The following GCFC2 variants were observed in gnomAD, a reference collection of about 807,000 sequenced individuals.
The protein encoded by GCFC2 is GC-rich sequence DNA-binding factor 2.
A neutral mutation model predicts 99.4 loss-of-function variants in GCFC2; 102 were observed. The ratio of observed to expected loss-of-function variants is 1.03; its 90% confidence interval spans 0.87 to 1.21. The LOEUF (loss-of-function observed/expected upper bound fraction) is 1.21. Among genes scored for constraint, GCFC2 ranks in the 50% most tolerant of loss-of-function variants. The pLI is 0.00. For missense variants in GCFC2, 973 were observed against 920.9 expected (o/e 1.06, Z -0.73); for synonymous variants, 338 against 316.8 (o/e 1.07, Z -0.71).
intron 15 of GCFC2, among the ~76,000 whole-genome samples, chr2:75,667,076 A>T (rs1678876784): frequency 6.6e-6 from 1 of 152,076 alleles, no homozygotes; most frequent in African/African-American, 2.4e-5. Flanking sequence ...AGACAGAATG[A>T]GGTGTATGTG....
At chr2:75,677,972 C>T (rs371513687) in intron 12 of GCFC2, among the ~76,000 whole-genome samples, 2 of 147,030 alleles carry the variant, frequency 1.4e-5, no homozygotes, top group East Asian at 2.0e-4. Flanking sequence ...AGCAAGACTC[C>T]GCCTCAAAAA....
chr2:75,695,493 T>C (rs554596952), intron 5 of GCFC2, among the ~76,000 whole-genome samples: 2 of 152,214 alleles, frequency 1.3e-5, no homozygotes, highest in Admixed American at 1.3e-4. Context: ...AATAGAAAAG[T>C]AGAATTTTGT....
chr2:75,693,309 G>A (rs1443758308), intron 6 of GCFC2, among the ~76,000 whole-genome samples: 2 of 152,004 alleles, frequency 1.3e-5, no homozygotes, highest in African/African-American at 4.8e-5. Flanking sequence ...GTGTGGTGGT[G>A]CACGCCTGTA....
chr2:75,674,034 AATTATAGTGGGTATGC>A (rs369222117), intron 12 of GCFC2, among the ~76,000 whole-genome samples: 74 of 152,290 alleles, frequency 4.9e-4, no homozygotes, highest in African/African-American at 1.6e-3. Context: ...TAATGTTTGC[AATTATAGTGGGTATGC>A]AGTCATATTT....
intron 14 of GCFC2, 162 bp from the exon 15 acceptor site, chr2:75,670,446 C>G: frequency 2.0e-6 from 1 of 489,816 alleles, no homozygotes; most frequent in Non-Finnish European, 3.7e-6. Context: ...ATACTTGATT[C>G]TTTCCAAACT....
intron 7 of GCFC2, 35 bp downstream of exon 7, chr2:75,691,942 A>G (rs751096568): frequency 1.7e-6 from 2 of 1,181,744 alleles, no homozygotes; most frequent in Non-Finnish European, 2.3e-6. Context: ...TAGCTTAATG[A>G]ATAATAAATT....
At chr2:75,681,729 C>T (rs1453221120) in intron 11 of GCFC2, among the ~76,000 whole-genome samples, 1 of 151,840 alleles carries the variant, frequency 6.6e-6, no homozygotes, top group Non-Finnish European at 1.5e-5. Flanking sequence ...GCAGTCTGAG[C>T]CCAACCTGAG....
rs939180234 is a variant in GCFC2 at position 75,665,864 on chromosome 2, AGTT to A, written c.2228+62_2228+64del. ...CAGTAAAAATACAAATCTTTCTAAA[AGTT>A]GTTGAGAGCATACAGAATCCATGAA... On this transcript the variant is annotated intron_variant, in intron 16 of 16. Transcript: ENST00000321027. 1.6e-5 allele frequency: 16 copies of A among 1,020,392 alleles called. No homozygotes were observed. In the African/African-American group the frequency reaches 2.1e-4, roughly 14 times the overall value. The allele number at this position is 1,020,392 out of a possible 1,614,324, so 63.2% of individuals were successfully genotyped here.
intron 11 of GCFC2, 75 bp downstream of exon 11, chr2:75,687,752 A>T: frequency 8.8e-7 from 1 of 1,136,972 alleles, no homozygotes; most frequent in Non-Finnish European, 1.3e-6. Context: ...AAACTTTGTG[A>T]ATATAACAGA....
intron 2 of GCFC2, 22 bp downstream of exon 2, chr2:75,706,501 C>A: frequency 1.3e-6 from 2 of 1,510,768 alleles, no homozygotes; most frequent in South Asian, 2.4e-5. Flanking sequence ...AATTCTTAAC[C>A]AAAATCATAC....
At chr2:75,683,431 G>A (rs1192035205) in intron 11 of GCFC2, among the ~76,000 whole-genome samples, 1 of 150,976 alleles carries the variant, frequency 6.6e-6, no homozygotes, top group Non-Finnish European at 1.5e-5. Context: ...CCTTACAAGA[G>A]CTCCTGAAGG....
At chr2:75,695,210 TG>T (rs1468632571) in intron 5 of GCFC2, among the ~76,000 whole-genome samples, 1 of 152,170 alleles carries the variant, frequency 6.6e-6, no homozygotes. Flanking sequence ...AACACATACA[TG>T]CTTATATGTT....
intron 1 of GCFC2, 73 bp from the exon 2 acceptor site, chr2:75,706,724 C>T: frequency 1.0e-6 from 1 of 983,710 alleles, no homozygotes; most frequent in South Asian, 1.5e-5. Context: ...TTCTGAACAA[C>T]ACATGGCATA....
At chr2:75,671,687 A>G (rs1431687149) in intron 14 of GCFC2, among the ~76,000 whole-genome samples, 1 of 152,198 alleles carries the variant, frequency 6.6e-6, no homozygotes, top group Admixed American at 6.5e-5. Context: ...GTCTTTAAAC[A>G]AAATATTTTG....
intron 16 of GCFC2, 55 bp from the exon 17 acceptor site, chr2:75,664,838 G>A (rs1032143787): frequency 6.4e-5 from 51 of 799,676 alleles, no homozygotes; most frequent in Non-Finnish European, 8.7e-5. Context: ...AGGGAACAGC[G>A]GTCAATTCAG....
intron 12 of GCFC2, among the ~76,000 whole-genome samples, chr2:75,674,832 T>G (rs976837413): frequency 1.2e-4 from 18 of 152,220 alleles, no homozygotes; most frequent in African/African-American, 3.9e-4. Flanking sequence ...TATAACATAT[T>G]CCTCAAGTGG....
At chr2:75,686,289 T>C (rs1679812161) in intron 11 of GCFC2, among the ~76,000 whole-genome samples, 1 of 152,178 alleles carries the variant, frequency 6.6e-6, no homozygotes, top group Non-Finnish European at 1.5e-5. Flanking sequence ...TAAATAGAGA[T>C]GGGGTTTCAC....
At chr2:75,679,782 G>C (rs112841630) in intron 12 of GCFC2, 2 of 399,822 alleles carry the variant, frequency 5.0e-6, no homozygotes, top group East Asian at 7.1e-5. Flanking sequence ...CAGGGCCAGT[G>C]TATATTCATA....
In GCFC2 at chr2:75,702,448, C is replaced by T. The variant is rs773977621; in HGVS notation, c.395-25G>A. On this transcript the variant is annotated intron_variant, in intron 2 of 16. Transcript: ENST00000321027. ...ACTGAAGGAAACAAAGACGAGGACA[C>T]TAAAAACCAAAGACCAATGTAAGTA... The T allele has an allele frequency of 3.2e-6, 5 of 1,586,236 alleles. No homozygotes were observed. In the Admixed American group the frequency reaches 8.9e-5, roughly 28 times the overall value.
Sources: gnomAD v4.1 joint callset for allele counts (sites outside exome capture counted in the v4.1 genomes callset) on GRCh38, gnomAD v4.1.1 for gene constraint, MANE v1.5 for transcripts, NCBI Gene and HGNC (gene_info 2026-07-23, HGNC 2026-07-21) for gene names.